HELLS: variants seen among roughly 807,000 people sequenced by gnomAD.
The protein encoded by HELLS is lymphoid-specific helicase.
In HELLS, 32 loss-of-function variants were observed where a neutral mutation model predicts 120.0. The ratio of observed to expected loss-of-function variants is 0.27; its 90% CI spans 0.20 to 0.36. The LOEUF is 0.36. Ranked by LOEUF, HELLS falls within the 10% of genes least tolerant of loss-of-function variation. HELLS has a pLI of 1.00. For missense variants in HELLS, 650 were observed against 993.4 expected, an observed-to-expected ratio of 0.65 and a Z score of 4.65; for synonymous variants, 341 against 323.4, an observed-to-expected ratio of 1.05 and a Z score of -0.58.
At chr10:94,558,100 C>T (rs771611227) in intron 3 of HELLS, 39 bp from the exon 4 acceptor site, 1 of 1,543,184 alleles carries the variant, frequency 6.5e-7, no homozygotes, top group Non-Finnish European at 8.7e-7. Context: ...TTAAATGTTG[C>T]ACTTTCCACT....
intron 10 of HELLS, among the ~76,000 whole-genome samples, chr10:94,580,141 AT>A (rs1489087863): frequency 9.6e-5 from 7 of 72,994 alleles, no homozygotes; most frequent in South Asian, 4.6e-4. Context: ...ATATATATAT[AT>A]ATATATATAT....
At chr10:94,580,848 A>G (rs1452731240) in intron 10 of HELLS, among the ~76,000 whole-genome samples, 1 of 152,180 alleles carries the variant, frequency 6.6e-6, no homozygotes, top group African/African-American at 2.4e-5. Flanking sequence ...GAAAGTTAAA[A>G]CAATTTCCTT....
At chr10:94,586,885 G>A (rs1219058411) in intron 12 of HELLS, among the ~76,000 whole-genome samples, 3 of 151,804 alleles carry the variant, frequency 2.0e-5, no homozygotes, top group Non-Finnish European at 4.4e-5. Context: ...AGTAGAGACG[G>A]GATTTCACCA....
chr10:94,570,055 T>C (rs1344258507), intron 6 of HELLS: 1 of 151,800 alleles, frequency 6.6e-6, no homozygotes, highest in Non-Finnish European at 1.5e-5. Flanking sequence ...TTTTATTTTT[T>C]TTTGGGAGAC....
At position 94,592,323 on chromosome 10, in the gene HELLS, T is replaced by G; in HGVS notation, c.1851+11T>G. 1.9e-6 allele frequency: 3 copies of G among 1,599,590 alleles called. No homozygotes were observed. Among genetic ancestry groups the G allele is most frequent in the Non-Finnish European group, 2.6e-6 (3 of 1,174,364 alleles). On this transcript the variant is annotated intron_variant, in intron 16 of 21. Coordinates refer to ENST00000348459, the MANE Select transcript of HELLS (RefSeq NM_018063.5). ...AAAAGAGGTCACAAGGTGGTACTTT[T>G]GATTGGAATTTTGGATTGTTCAATT...
intron 4 of HELLS, among the ~76,000 whole-genome samples, chr10:94,560,306 G>T (rs527621717): frequency 6.6e-6 from 1 of 152,270 alleles, no homozygotes; most frequent in African/African-American, 2.4e-5. Context: ...CTGAGATTAA[G>T]TCCAGTTATT....
At chr10:94,558,050 G>T (rs1421710877) in intron 3 of HELLS, 89 bp from the exon 4 acceptor site, 13 of 1,456,722 alleles carry the variant, frequency 8.9e-6, no homozygotes, top group Non-Finnish European at 9.1e-6. Flanking sequence ...GTTTCTCATT[G>T]TAAACATAAG....
At chr10:94,608,915 C>T (rs1846157667) in intron 9 of HELLS, among the ~76,000 whole-genome samples, 1 of 151,588 alleles carries the variant, frequency 6.6e-6, no homozygotes, top group Non-Finnish European at 1.5e-5. Flanking sequence ...CTCCCAATAG[C>T]ATAAGCTACC....
intron 10 of HELLS, chr10:94,577,337 C>G (rs1844544662): frequency 4.2e-6 from 1 of 237,244 alleles, no homozygotes; most frequent in Non-Finnish European, 8.3e-6. Flanking sequence ...CCTCACTGCT[C>G]TACCTCATTC....
At chr10:94,573,614 A>G (rs1019253297) in intron 7 of HELLS, among the ~76,000 whole-genome samples, 2 of 151,864 alleles carry the variant, frequency 1.3e-5, no homozygotes, top group East Asian at 1.9e-4. Context: ...AGTTGCGTGC[A>G]ACCACACCCA....
intron 4 of HELLS, among the ~76,000 whole-genome samples, chr10:94,561,127 C>G (rs897905692): frequency 1.3e-5 from 2 of 151,772 alleles, no homozygotes; most frequent in Non-Finnish European, 2.9e-5. Flanking sequence ...AGAGACTTAC[C>G]TAGGGCTTTT....
At chr10:94,563,918 C>A (rs1843672141) in intron 6 of HELLS, among the ~76,000 whole-genome samples, 1 of 150,914 alleles carries the variant, frequency 6.6e-6, no homozygotes, top group Non-Finnish European at 1.5e-5. Flanking sequence ...TCAAGCAATT[C>A]TCCTGCCTCA....
At chr10:94,585,178 A>G (rs1447744844) in intron 12 of HELLS, among the ~76,000 whole-genome samples, 3 of 151,864 alleles carry the variant, frequency 2.0e-5, no homozygotes, top group African/African-American at 7.2e-5. Context: ...TTGAAGGCCA[A>G]AAGCAGTATA....
intron 7 of HELLS, 40 bp downstream of exon 7, chr10:94,571,469 A>G (rs780590930): frequency 2.8e-6 from 4 of 1,422,042 alleles, no homozygotes; most frequent in East Asian, 2.4e-5. Flanking sequence ...TAGAAGTCAT[A>G]TTTACTCCTC....
In HELLS at chr10:94,601,749, T is replaced by C; in HGVS notation, c.*127T>C. The C allele has an allele frequency of 3.8e-6, 2 of 531,502 alleles. No individual in the cohort carries two copies. Among genetic ancestry groups the C allele is most frequent in the South Asian group, 2.5e-5 (1 of 39,296 alleles). The allele number at this position is 531,502 out of a possible 1,614,324, so 32.9% of individuals were successfully genotyped here. A position where few individuals can be genotyped will look rare whatever the true frequency, so the allele number is the denominator to read the frequency against. On this transcript the variant is annotated 3_prime_UTR_variant, in exon 22 of 22. Coordinates refer to ENST00000348459, the MANE Select transcript of HELLS (RefSeq NM_018063.5). ...ATCAGTTGACATGTAACTAGTACCA[T>C]GCGTACTTAAATAGATGGTAATTTT... is the stretch of plus-strand genomic sequence containing the variant.
intron 10 of HELLS, among the ~76,000 whole-genome samples, chr10:94,578,690 CAAAAT>C (rs1844647542): frequency 6.6e-6 from 1 of 152,092 alleles, no homozygotes; most frequent in East Asian, 1.9e-4. Context: ...GACTGTGTCT[CAAAAT>C]AATAATAATT....
intron 4 of HELLS, among the ~76,000 whole-genome samples, chr10:94,560,036 A>G (rs148085842): frequency 1.3e-5 from 2 of 151,842 alleles, no homozygotes; most frequent in African/African-American, 2.4e-5. Flanking sequence ...CCTTTTATTT[A>G]TTTATTTTTT....
intron 21 of HELLS, among the ~76,000 whole-genome samples, chr10:94,598,409 T>A (rs982074445): frequency 1.3e-5 from 2 of 152,220 alleles, no homozygotes; most frequent in Admixed American, 6.5e-5. Flanking sequence ...TCCTCCAGCC[T>A]CAGCCTTTGG....
chr10:94,583,147 T>A, intron 12 of HELLS, 88 bp downstream of exon 12: 2 of 592,864 alleles, frequency 3.4e-6, no homozygotes, highest in Middle Eastern at 2.7e-4. Flanking sequence ...CCCTTTGTAG[T>A]AGAGATTTGA....
Sources: gnomAD v4.1 joint callset for allele counts (sites outside exome capture counted in the v4.1 genomes callset) on GRCh38, gnomAD v4.1.1 for gene constraint, MANE v1.5 for transcripts, NCBI Gene and HGNC (gene_info 2026-07-23, HGNC 2026-07-21) for gene names.